The following ADGRG6 variants were observed in gnomAD, a reference collection of about 807,000 sequenced individuals.
The protein encoded by ADGRG6 is adhesion G protein-coupled receptor G6.
ADGRG6 carries 84 observed loss-of-function variants against 142.4 expected under a neutral mutation model. The ratio of observed to expected loss-of-function variants is 0.59; its 90% CI spans 0.49 to 0.71. ADGRG6 has a LOEUF of 0.71. Ranked by LOEUF, ADGRG6 falls within the 30% of genes least tolerant of loss-of-function variation. The pLI is 0.00. For synonymous variants in ADGRG6, 521 were observed against 520.5 expected, an observed-to-expected ratio of 1.00 and a Z score of -0.01; for missense variants, 1,367 against 1,466.6, an observed-to-expected ratio of 0.93 and a Z score of 1.11.
intron 22 of ADGRG6, among the ~76,000 whole-genome samples, chr6:142,427,623 A>G (rs1777012052): frequency 6.6e-6 from 1 of 152,168 alleles, no homozygotes; most frequent in Admixed American, 6.6e-5. Flanking sequence ...TACTTCTGGT[A>G]CCAATTTACT....
chr6:142,367,779 A>G lies in ADGRG6; in HGVS notation c.314A>G (p.Glu105Gly), dbSNP rs1781022358. Residue 105 changes from glutamate to glycine, a missense_variant, in exon 3 of 25, where the codon GAG becomes GGG. By Grantham distance (98) the Glu-to-Gly change is moderately conservative. Transcript: ENST00000367609. The part of the protein sequence containing the change: ...IYDSLSLDNG[E>G]SQTKFCGATA... ...GACTCATTATCCCTTGATAATGGAG[A>G]GAGCCAGACTAAATTTTGTGGAGCA... 1 of 1,613,678 alleles carries G rather than the reference A, an allele frequency of 6.2e-7. No individual in the cohort carries two copies.
intron 24 of ADGRG6, among the ~76,000 whole-genome samples, chr6:142,439,483 C>A (rs1777640014): frequency 1.3e-5 from 2 of 152,084 alleles, no homozygotes; most frequent in South Asian, 2.1e-4. Context: ...TTACAGATAA[C>A]CCTGGTGTAC....
chr6:142,351,063 G>A (rs145281786), intron 2 of ADGRG6, among the ~76,000 whole-genome samples: 2,218 of 151,980 alleles, frequency 0.015, 93 homozygotes, highest in Admixed American at 0.087. Flanking sequence ...GTGAAACCCC[G>A]TCTCTACTAA....
intron 22 of ADGRG6, among the ~76,000 whole-genome samples, chr6:142,434,277 C>A (rs942875509): frequency 7.3e-5 from 11 of 151,570 alleles, no homozygotes; most frequent in African/African-American, 2.4e-4. Context: ...TAGGTCATTG[C>A]ATGCCTTATT....
rs1776581473 is a variant in ADGRG6 at position 142,419,971 on chromosome 6, A to T, written c.3186A>T (p.Glu1062Asp). 1.2e-6 allele frequency: 2 copies of T among 1,613,572 alleles called. No homozygotes were observed. Among genetic ancestry groups the T allele is most frequent in the Non-Finnish European group, 1.7e-6 (2 of 1,179,626 alleles). ...GAAGCAACCGGACCCTGAGAGAAGAAGTGTTAAGGAACCTGCGCAGTGTGG... is the reference window on the plus strand; with the variant it reads ...GAAGCAACCGGACCCTGAGAGAAGATGTGTTAAGGAACCTGCGCAGTGTGG... ...GKRSNRTLRE[E>D]VLRNLRSVVS... is the part of the protein sequence containing the mutation. The change falls in exon 22 of 25, where the codon GAA becomes GAT. Residue 1062 changes from glutamate to aspartate, a missense_variant. Around this residue, in one of 3 missense-constraint regions of ADGRG6, gnomAD observed 344 missense variants for 348.7 expected, o/e 0.99. Coordinates refer to ENST00000367609, the MANE Select transcript of ADGRG6 (RefSeq NM_198569.3).
intron 22 of ADGRG6, among the ~76,000 whole-genome samples, chr6:142,422,796 TC>T (rs1776727019): frequency 6.9e-6 from 1 of 144,036 alleles, no homozygotes; most frequent in Non-Finnish European, 1.5e-5. Context: ...GTAAAAGTGT[TC>T]CTATTTCTCC....
At chr6:142,347,617 G>A (rs1413957647) in intron 2 of ADGRG6, among the ~76,000 whole-genome samples, 1 of 152,088 alleles carries the variant, frequency 6.6e-6, no homozygotes, top group Non-Finnish European at 1.5e-5. Flanking sequence ...GCCCAGTACA[G>A]TACTTGGGTG....
In ADGRG6 at chr6:142,309,882, T is replaced by C. The variant is rs2114514626; in HGVS notation, c.103+238T>C. On this transcript the variant is annotated intron_variant, in intron 2 of 24. Coordinates refer to ENST00000367609, the MANE Select transcript of ADGRG6 (RefSeq NM_198569.3). ...TCTAATGAGTTTATTTCTTTAATCT[T>C]TGTTGTCTTTTATTTATTTACGTAG... 2.0e-5 allele frequency among the ~76,000 whole-genome samples: 3 copies of C among 151,944 alleles called. No individual in the cohort carries two copies. The South Asian group carries it at 6.2e-4, about 31-fold the overall frequency.
intron 2 of ADGRG6, among the ~76,000 whole-genome samples, chr6:142,349,451 C>T (rs184917731): frequency 2.0e-5 from 3 of 152,326 alleles, no homozygotes; most frequent in Admixed American, 2.0e-4. Context: ...CCTTATCCCC[C>T]ACTTTGAGCA....
chr6:142,321,217 C>A (rs959166082), intron 2 of ADGRG6, among the ~76,000 whole-genome samples: 9 of 151,550 alleles, frequency 5.9e-5, no homozygotes, highest in Admixed American at 1.3e-4. Context: ...AGATAGCAAT[C>A]TGCATGCTTT....
intron 2 of ADGRG6, among the ~76,000 whole-genome samples, chr6:142,361,364 G>A (rs1210889748): frequency 1.3e-5 from 2 of 152,138 alleles, no homozygotes; most frequent in Admixed American, 6.5e-5. Context: ...TATTCTGTGC[G>A]TCAACAAGCT....
chr6:142,365,498 G>A (rs1051390906), intron 2 of ADGRG6, among the ~76,000 whole-genome samples: 32 of 151,998 alleles, frequency 2.1e-4, no homozygotes, highest in African/African-American at 6.0e-4. Flanking sequence ...ACAAAGTAGT[G>A]GAAGAAGATT....
chr6:142,375,877 A>AT (rs1781473755), intron 4 of ADGRG6, among the ~76,000 whole-genome samples: 1 of 152,194 alleles, frequency 6.6e-6, no homozygotes. Context: ...CATATTAAAC[A>AT]TCCTAGCCTT....
At position 142,315,365 on chromosome 6, in the gene ADGRG6, A is replaced by T. The variant is rs1015800307; in HGVS notation, c.103+5721A>T. Among the ~76,000 whole-genome samples the T allele has an allele frequency of 8.7e-5, 13 of 150,098 alleles. No individual in the cohort carries two copies. In the East Asian group the frequency reaches 9.6e-4, roughly 11 times the overall value. On this transcript the variant is annotated intron_variant, in intron 2 of 24. Transcript: ENST00000367609. ...TCATAGTATTCAGTAAGTAAAGAAG[A>T]TGGAAAAAAAAAACAGAATGGAGAA...
rs1776572677 is a variant in ADGRG6 at position 142,419,881 on chromosome 6, G to GT, written c.3102dup (p.Leu1035SerfsTer38). On this transcript the variant is annotated frameshift_variant, in exon 22 of 25. Coordinates refer to ENST00000367609, the MANE Select transcript of ADGRG6 (RefSeq NM_198569.3). LOFTEE classifies it high-confidence loss of function. ...CCTGTGCTGGGTATTTTGGAGTCATGTTTTTTCTGAACATTGCCATGTTCA... is the reference window on the plus strand; with the variant it reads ...CCTGTGCTGGGTATTTTGGAGTCATGTTTTTTTCTGAACATTGCCATGTTCA... The GT allele has an allele frequency of 1.9e-6, 3 of 1,613,086 alleles. No individual in the cohort carries two copies. The highest frequency in any genetic ancestry group is 1.7e-6 in the Non-Finnish European group (2 of 1,179,262).
intron 22 of ADGRG6, among the ~76,000 whole-genome samples, chr6:142,426,197 C>T (rs536148190): frequency 3.9e-5 from 6 of 152,334 alleles, no homozygotes; most frequent in African/African-American, 1.4e-4. Flanking sequence ...TACGTCTCAT[C>T]TGAGACAAGG....
At chr6:142,350,466 A>C (rs1361501191) in intron 2 of ADGRG6, among the ~76,000 whole-genome samples, 1 of 152,218 alleles carries the variant, frequency 6.6e-6, no homozygotes, top group Non-Finnish European at 1.5e-5. Flanking sequence ...AGGTGGTTCA[A>C]GATGAAACAA....
chr6:142,427,065 T>G (rs1464819543), intron 22 of ADGRG6, among the ~76,000 whole-genome samples: 1 of 152,158 alleles, frequency 6.6e-6, no homozygotes, highest in African/African-American at 2.4e-5. Context: ...ATTTTCACCA[T>G]TGTCTTGATG....
chr6:142,401,946 A>G, intron 11 of ADGRG6, 48 bp from the exon 12 acceptor site: 1 of 864,668 alleles, frequency 1.2e-6, no homozygotes, highest in Middle Eastern at 3.0e-4. Context: ...GCAGTACAAA[A>G]TAATACCAGT....
Sources: allele counts gnomAD v4.1 joint callset (sites outside exome capture counted in the v4.1 genomes callset), GRCh38; gene constraint gnomAD v4.1.1; regional missense constraint gnomAD v4.1.1; transcripts MANE v1.5; gene names NCBI Gene and HGNC (gene_info 2026-07-23, HGNC 2026-07-21).